EPYC: variants seen among roughly 807,000 people sequenced by gnomAD.
EPYC encodes the protein dermatan sulfate proteoglycan 3.
In EPYC, 28 loss-of-function variants were observed where a neutral mutation model predicts 30.1. The observed-to-expected ratio is 0.93, with a 90% CI of 0.69 to 1.28. The LOEUF (loss-of-function observed/expected upper bound fraction) is 1.28, where lower values mean the gene tolerates loss of function less well. EPYC is among the 50% of genes most tolerant of loss of function. EPYC has a pLI of 0.00. For synonymous variants in EPYC, 144 were observed against 141.4 expected, an observed-to-expected ratio of 1.02 and a Z score of -0.13; for missense variants, 382 against 383.5, an observed-to-expected ratio of 1.00 and a Z score of 0.03.
At chr12:91,002,925 G>C (rs944884106) in intron 1 of EPYC, among the ~76,000 whole-genome samples, 1 of 151,954 alleles carries the variant, frequency 6.6e-6, no homozygotes, top group Non-Finnish European at 1.5e-5. Context: ...CATCAACTCT[G>C]GGATATGAAG....
At chr12:91,000,483 A>G (rs185712645) in intron 2 of EPYC, among the ~76,000 whole-genome samples, 2 of 152,072 alleles carry the variant, frequency 1.3e-5, no homozygotes, top group African/African-American at 4.8e-5. Context: ...CTACAGCTTT[A>G]TGGGCAGTGA....
At chr12:90,975,552 T>C (rs11105893) in intron 3 of EPYC, among the ~76,000 whole-genome samples, 10,199 of 152,124 alleles carry the variant, frequency 0.067, 586 homozygotes, top group South Asian at 0.2. Context: ...AAAAATTTTC[T>C]TTAAAAGTCT....
At chr12:90,995,265 A>G (rs1414878748) in intron 2 of EPYC, among the ~76,000 whole-genome samples, 2 of 152,120 alleles carry the variant, frequency 1.3e-5, no homozygotes, top group Non-Finnish European at 2.9e-5. Flanking sequence ...AGCAGCTTTC[A>G]GTTCAGAAGG....
At chr12:90,994,772 C>T (rs543946345) in intron 2 of EPYC, among the ~76,000 whole-genome samples, 1 of 152,262 alleles carries the variant, frequency 6.6e-6, no homozygotes, top group African/African-American at 2.4e-5. Flanking sequence ...ATTTAAATTA[C>T]TGTTCTTCCT....
In EPYC at chr12:90,986,635, G is replaced by T. The variant is rs563683895; in HGVS notation, c.166-8373C>A. On this transcript the variant is annotated intron_variant, in intron 2 of 6. Coordinates refer to ENST00000261172, the MANE Select transcript of EPYC (RefSeq NM_004950.5). ...CCTGTTGGAAGATGAGAGAGCACACGGTGGAGGGGAGGGGAAAGCCACTTC... is the reference window on the plus strand; with the variant it reads ...CCTGTTGGAAGATGAGAGAGCACACTGTGGAGGGGAGGGGAAAGCCACTTC... 4.6e-5 allele frequency among the ~76,000 whole-genome samples: 7 copies of T among 152,234 alleles called. No homozygotes were observed. In the East Asian group the frequency reaches 1.4e-3, roughly 29 times the overall value.
rs567622444 is a variant in EPYC, at chr12:90,971,732, A to C, written c.702+68T>G. ...TAAATTTATTTTCCCTACACGAATA[A>C]AAAAGGTAGTCAATGACAGCAAATA... On this transcript the variant is annotated intron_variant, in intron 5 of 6. Coordinates refer to ENST00000261172, the MANE Select transcript of EPYC (RefSeq NM_004950.5). The C allele has an allele frequency of 1.3e-4, 87 of 665,286 alleles. No homozygotes were observed. In the East Asian group the frequency reaches 2.8e-3, roughly 21 times the overall value. 41.2% of individuals were successfully genotyped at this position (665,286 alleles called of 1,614,324 possible).
In EPYC at chr12:90,967,965, T is replaced by G. The variant is rs1288340258; in HGVS notation, c.798+2079A>C. Among the ~76,000 whole-genome samples the G allele has an allele frequency of 4.6e-5, 7 of 151,958 alleles. No homozygotes were observed. In the East Asian group the frequency reaches 1.2e-3, roughly 25 times the overall value. On this transcript the variant is annotated intron_variant, in intron 6 of 6. Transcript: ENST00000261172. ...AGCCTGGGTGACAGAGCAAGACCCT[T>G]TCTATAAAAAAAAATTAAAATTAAA...
intron 1 of EPYC, among the ~76,000 whole-genome samples, chr12:91,003,235 AC>A (rs764108302): frequency 1.3e-5 from 2 of 152,242 alleles, no homozygotes. Flanking sequence ...ATAAATACAT[AC>A]ATTGTTTAAT....
chr12:91,000,423 A>G (rs1877795919), intron 2 of EPYC, among the ~76,000 whole-genome samples: 1 of 152,114 alleles, frequency 6.6e-6, no homozygotes, highest in African/African-American at 2.4e-5. Flanking sequence ...TATGTTTGTT[A>G]GCTTAAATTT....
intron 2 of EPYC, among the ~76,000 whole-genome samples, chr12:90,990,439 G>C (rs999853913): frequency 2.0e-5 from 3 of 152,086 alleles, no homozygotes; most frequent in Admixed American, 2.0e-4. Flanking sequence ...AATTGCCTTT[G>C]AAAAGGATAA....
chr12:90,978,965 G>A (rs1000929486), intron 2 of EPYC, among the ~76,000 whole-genome samples: 1 of 152,054 alleles, frequency 6.6e-6, no homozygotes, highest in Non-Finnish European at 1.5e-5. Context: ...CTTTGAGAAC[G>A]TTGACACTAG....
At chr12:90,991,585 TAAAA>T (rs1253036848) in intron 2 of EPYC, among the ~76,000 whole-genome samples, 3 of 152,138 alleles carry the variant, frequency 2.0e-5, no homozygotes, top group African/African-American at 7.2e-5. Flanking sequence ...AAAAATAACT[TAAAA>T]AGAAAGTTCT....
intron 6 of EPYC, among the ~76,000 whole-genome samples, chr12:90,966,220 C>G (rs1196345183): frequency 6.6e-6 from 1 of 151,902 alleles, no homozygotes; most frequent in Non-Finnish European, 1.5e-5. Context: ...TGTTTCTGTT[C>G]TTAGAAAGAA....
chr12:90,994,633 C>A (rs1287990735), intron 2 of EPYC, among the ~76,000 whole-genome samples: 1 of 152,080 alleles, frequency 6.6e-6, no homozygotes, highest in African/African-American at 2.4e-5. Context: ...TGGTTATGTG[C>A]TCAAGCAGAG....
At chr12:90,995,228 C>T (rs1255285584) in intron 2 of EPYC, among the ~76,000 whole-genome samples, 1 of 152,080 alleles carries the variant, frequency 6.6e-6, no homozygotes, top group African/African-American at 2.4e-5. Context: ...TTTGGCAAAG[C>T]TTGCTCAATC....
intron 2 of EPYC, among the ~76,000 whole-genome samples, chr12:90,997,312 TGAG>T (rs1877715919): frequency 6.7e-6 from 1 of 148,868 alleles, no homozygotes; most frequent in South Asian, 2.2e-4. Flanking sequence ...GTAGTAGAGG[TGAG>T]GAGGAGTTTA....
intron 2 of EPYC, among the ~76,000 whole-genome samples, chr12:90,983,720 C>T (rs1877380155): frequency 6.6e-6 from 1 of 152,154 alleles, no homozygotes; most frequent in East Asian, 1.9e-4. Flanking sequence ...GTCAGACAAA[C>T]TTCCTCCCAC....
At chr12:90,998,767 A>G (rs1433103726) in intron 2 of EPYC, among the ~76,000 whole-genome samples, 3 of 151,998 alleles carry the variant, frequency 2.0e-5, no homozygotes, top group Admixed American at 2.0e-4. Flanking sequence ...AGCTATACCC[A>G]TTTTTTTAGC....
At chr12:90,994,883 T>C (rs1021183749) in intron 2 of EPYC, among the ~76,000 whole-genome samples, 3 of 152,122 alleles carry the variant, frequency 2.0e-5, no homozygotes, top group Admixed American at 6.6e-5. Context: ...AAATTTTGAA[T>C]TTATCTGTCT....
Sources: gnomAD v4.1 joint callset for allele counts (sites outside exome capture counted in the v4.1 genomes callset) on GRCh38, gnomAD v4.1.1 for gene constraint, MANE v1.5 for transcripts, NCBI Gene and HGNC (gene_info 2026-07-23, HGNC 2026-07-21) for gene names.